Variants in LHFPL3 observed in about 807,000 individuals in gnomAD.
The protein encoded by LHFPL3 is LHFPL tetraspan subfamily member 3 protein.
In LHFPL3, 5 loss-of-function variants were observed where a neutral mutation model predicts 19.3. That is an observed-to-expected ratio of 0.26 (90% CI 0.14 to 0.54). The LOEUF is 0.54. Among genes scored for constraint, LHFPL3 ranks in the 20% least tolerant of loss-of-function variants. The pLI is 0.94. For synonymous variants in LHFPL3, 133 were observed against 126.2 expected (o/e 1.05, Z -0.36); for missense variants, 249 against 307.4 (o/e 0.81, Z 1.42).
At chr7:104,643,454 G>C (rs1791872603) in intron 1 of LHFPL3, among the ~76,000 whole-genome samples, 1 of 152,080 alleles carries the variant, frequency 6.6e-6, no homozygotes, top group South Asian at 2.1e-4. Flanking sequence ...ACTAGCACAA[G>C]GACTGTTACA....
chr7:104,642,721 T>C lies in LHFPL3; in HGVS notation c.446-93954T>C, dbSNP rs149157473. ...CATAGCCTGGGCCCCCACTCTCACA[T>C]GCAGGGTGCGACAGGAGAAGGCTGG... On this transcript the variant is annotated intron_variant, in intron 1 of 2. Coordinates refer to ENST00000424859, the MANE Select transcript of LHFPL3 (RefSeq NM_199000.3). 3.8e-4 allele frequency among the ~76,000 whole-genome samples: 58 copies of C among 152,274 alleles called. No homozygotes were observed. In the East Asian group the frequency reaches 0.011, roughly 29 times the overall value.
intron 2 of LHFPL3, among the ~76,000 whole-genome samples, chr7:104,846,577 A>G (rs547635045): frequency 4.0e-5 from 6 of 150,708 alleles, no homozygotes; most frequent in Non-Finnish European, 7.3e-5. Flanking sequence ...AGGTTTCAAG[A>G]GAGAAAGTAA....
intron 1 of LHFPL3, among the ~76,000 whole-genome samples, chr7:104,446,946 T>A (rs945328925): frequency 2.6e-5 from 4 of 152,186 alleles, no homozygotes; most frequent in African/African-American, 9.7e-5. Context: ...GAATTTTGTC[T>A]TAATTATCAG....
intron 1 of LHFPL3, among the ~76,000 whole-genome samples, chr7:104,381,567 C>T (rs1790830036): frequency 7.7e-6 from 1 of 130,242 alleles, no homozygotes; most frequent in South Asian, 2.4e-4. Flanking sequence ...TCCCTCACTC[C>T]CTCCCTCCCA....
intron 1 of LHFPL3, among the ~76,000 whole-genome samples, chr7:104,720,722 G>T (rs1455505732): frequency 6.6e-6 from 1 of 152,150 alleles, no homozygotes; most frequent in South Asian, 2.1e-4. Flanking sequence ...CAAAAAGTGG[G>T]CGAAGGATAT....
chr7:104,386,617 A>G (rs1297165592), intron 1 of LHFPL3, among the ~76,000 whole-genome samples: 1 of 152,224 alleles, frequency 6.6e-6, no homozygotes, highest in South Asian at 2.1e-4. Flanking sequence ...TCTCTGCAAA[A>G]GCAGGAAGTA....
intron 1 of LHFPL3, among the ~76,000 whole-genome samples, chr7:104,339,979 T>C (rs1388858477): frequency 1.3e-5 from 2 of 152,184 alleles, no homozygotes; most frequent in Admixed American, 6.5e-5. Flanking sequence ...TGGACAGAGT[T>C]GCTAAGGTAC....
At chr7:104,367,739 C>T (rs1335634604) in intron 1 of LHFPL3, among the ~76,000 whole-genome samples, 2 of 152,160 alleles carry the variant, frequency 1.3e-5, no homozygotes, top group African/African-American at 4.8e-5. Flanking sequence ...GCTGCCCAGG[C>T]AAATAAAAAA....
At chr7:104,441,531 A>T (rs1336620381) in intron 1 of LHFPL3, among the ~76,000 whole-genome samples, 1 of 150,880 alleles carries the variant, frequency 6.6e-6, no homozygotes, top group Non-Finnish European at 1.5e-5. Context: ...TAATGCTGCA[A>T]TGAACATGGT....
At chr7:104,736,354 A>G (rs1429711245) in intron 1 of LHFPL3, among the ~76,000 whole-genome samples, 1 of 152,152 alleles carries the variant, frequency 6.6e-6, no homozygotes, top group Non-Finnish European at 1.5e-5. Flanking sequence ...CTTCCCACAA[A>G]TGCACCCCAA....
At chr7:104,657,858 T>C (rs1584464773) in intron 1 of LHFPL3, among the ~76,000 whole-genome samples, 1 of 152,226 alleles carries the variant, frequency 6.6e-6, no homozygotes, top group East Asian at 1.9e-4. Context: ...GCTCTAACAA[T>C]AGTAAATCCT....
chr7:104,743,034 T>A (rs2116322066), intron 2 of LHFPL3, among the ~76,000 whole-genome samples: 1 of 152,100 alleles, frequency 6.6e-6, no homozygotes, highest in South Asian at 2.1e-4. Flanking sequence ...GGCAGGAGAA[T>A]CTCTTGAACC....
chr7:104,597,896 G>A (rs1056339637), intron 1 of LHFPL3, among the ~76,000 whole-genome samples: 3 of 152,124 alleles, frequency 2.0e-5, no homozygotes, highest in African/African-American at 7.2e-5. Context: ...CTAGTTTGAG[G>A]CACTAAGATG....
intron 2 of LHFPL3, among the ~76,000 whole-genome samples, chr7:104,876,124 T>C (rs1422592750): frequency 1.3e-5 from 2 of 152,152 alleles, no homozygotes; most frequent in African/African-American, 4.8e-5. Flanking sequence ...TATACAAAAA[T>C]TAATTCAAGA....
intron 1 of LHFPL3, among the ~76,000 whole-genome samples, chr7:104,484,116 CT>C (rs869050870): frequency 2.3e-5 from 2 of 87,302 alleles, no homozygotes; most frequent in Non-Finnish European, 5.1e-5. Flanking sequence ...GATTTGGAGA[CT>C]TATTACAATT....
intron 1 of LHFPL3, among the ~76,000 whole-genome samples, chr7:104,351,800 C>T (rs1347104203): frequency 6.6e-6 from 1 of 152,072 alleles, no homozygotes; most frequent in East Asian, 1.9e-4. Flanking sequence ...ATTCTTATAC[C>T]TAGGAATTTC....
At chr7:104,491,137 G>T (rs1277972556) in intron 1 of LHFPL3, among the ~76,000 whole-genome samples, 1 of 134,110 alleles carries the variant, frequency 7.5e-6, no homozygotes, top group Non-Finnish European at 1.8e-5. Flanking sequence ...ACAACTTAGG[G>T]TTGAGATTAG....
chr7:104,734,899 G>A (rs892041937), intron 1 of LHFPL3, among the ~76,000 whole-genome samples: 1 of 152,174 alleles, frequency 6.6e-6, no homozygotes, highest in Non-Finnish European at 1.5e-5. Context: ...GGGTTTTGGT[G>A]TGGATGGCCT....
chr7:104,747,777 T>C (rs1006761499), intron 2 of LHFPL3, among the ~76,000 whole-genome samples: 6 of 152,208 alleles, frequency 3.9e-5, no homozygotes, highest in Non-Finnish European at 4.4e-5. Flanking sequence ...ATGCAAATAA[T>C]AATTTTCAGG....
Sources: gnomAD v4.1 joint callset for allele counts (sites outside exome capture counted in the v4.1 genomes callset) on GRCh38, gnomAD v4.1.1 for gene constraint, MANE v1.5 for transcripts, NCBI Gene and HGNC (gene_info 2026-07-23, HGNC 2026-07-21) for gene names.